Variants in DNAJC5 observed in about 807,000 individuals in gnomAD.
DNAJC5 encodes the protein DnaJ heat shock protein family (Hsp40) member C5.
A neutral mutation model predicts 23.2 loss-of-function variants in DNAJC5; 1 was observed. The observed-to-expected ratio is 0.04, with a 90% confidence interval of 0.02 to 0.20. The LOEUF is 0.20. Among genes scored for constraint, DNAJC5 ranks in the 10% least tolerant of loss-of-function variants. The pLI, the probability that DNAJC5 is intolerant of heterozygous loss-of-function variation, is 1.00. For missense variants in DNAJC5, 180 were observed against 267.0 expected, an observed-to-expected ratio of 0.67 and a Z score of 2.27; for synonymous variants, 136 against 120.0, an observed-to-expected ratio of 1.13 and a Z score of -0.87.
Position 63,934,169 on chromosome 20 carries a change from C to T in DNAJC5, c.*2601C>T, listed in dbSNP as rs112103063. 0.059 allele frequency: 9,036 copies of T among 152,252 alleles called. 449 individuals are homozygous for T. Among genetic ancestry groups the T allele is most frequent in the Non-Finnish European group, 0.079 (5,367 of 68,028 alleles). 9.4% of individuals were successfully genotyped at this position (152,252 alleles called of 1,614,324 possible). ...GCGCTCTGCCCTGTTGGCTTTAAGGCTTTGTCTTAATTTAAGGAAAAAGAT... is the reference window on the plus strand; with the variant it reads ...GCGCTCTGCCCTGTTGGCTTTAAGGTTTTGTCTTAATTTAAGGAAAAAGAT... On this transcript the variant is annotated 3_prime_UTR_variant, in exon 5 of 5. Coordinates refer to ENST00000360864, the MANE Select transcript of DNAJC5 (RefSeq NM_025219.3).
intron 1 of DNAJC5, among the ~76,000 whole-genome samples, chr20:63,918,153 C>T (rs2053529151): frequency 6.6e-6 from 1 of 152,160 alleles, no homozygotes; most frequent in African/African-American, 2.4e-5. Context: ...TAGAATGTGA[C>T]CACACTGGAG....
In DNAJC5 at chr20:63,934,800, A is replaced by G. The variant is rs1007518850; in HGVS notation, c.*3232A>G. 1.3e-5 allele frequency: 2 copies of G among 152,194 alleles called. No homozygotes were observed. The highest frequency in any genetic ancestry group is 4.8e-5 in the African/African-American group (2 of 41,432). The allele number at this position is 152,194 out of a possible 1,614,324, so 9.4% of individuals were successfully genotyped here. A position where few individuals can be genotyped will look rare whatever the true frequency, so the allele number is the denominator to read the frequency against. Reference sequence around the variant, plus strand: ...CTTCACGTCGGCTGCTGCCATCCAGAAGAGGCCCTGGAGCCTCACGCCGTC... The same window carrying G: ...CTTCACGTCGGCTGCTGCCATCCAGGAGAGGCCCTGGAGCCTCACGCCGTC... On this transcript the variant is annotated 3_prime_UTR_variant, in exon 5 of 5. Coordinates refer to ENST00000360864, the MANE Select transcript of DNAJC5 (RefSeq NM_025219.3).
intron 1 of DNAJC5, among the ~76,000 whole-genome samples, chr20:63,904,476 A>G (rs1281688719): frequency 6.6e-6 from 1 of 152,192 alleles, no homozygotes; most frequent in Non-Finnish European, 1.5e-5. Context: ...CTTTAAGACA[A>G]GGGCACTGTA....
chr20:63,899,122 C>T (rs916688153), intron 1 of DNAJC5, among the ~76,000 whole-genome samples: 5 of 152,154 alleles, frequency 3.3e-5, no homozygotes, highest in Admixed American at 1.3e-4. Flanking sequence ...GCTTCCCCTG[C>T]GTCCTGCTGG....
At chr20:63,926,064 G>A (rs939762894) in intron 1 of DNAJC5, among the ~76,000 whole-genome samples, 10 of 152,226 alleles carry the variant, frequency 6.6e-5, no homozygotes, top group African/African-American at 1.2e-4. Flanking sequence ...TCCTGATCTC[G>A]TGATCTGCCC....
At chr20:63,909,032 T>C (rs2053464798) in intron 1 of DNAJC5, 1 of 152,174 alleles carries the variant, frequency 6.6e-6, no homozygotes, top group African/African-American at 2.4e-5. Context: ...GCACTCCGGA[T>C]GTGCTGAGCC....
chr20:63,925,719 C>T (rs1029332215), intron 1 of DNAJC5, among the ~76,000 whole-genome samples: 5 of 147,926 alleles, frequency 3.4e-5, no homozygotes, highest in Non-Finnish European at 6.0e-5. Flanking sequence ...ATCGCGTCAC[C>T]GCACTCCAGC....
intron 1 of DNAJC5, among the ~76,000 whole-genome samples, chr20:63,901,152 A>G (rs548073001): frequency 1.8e-4 from 27 of 152,272 alleles, no homozygotes; most frequent in African/African-American, 6.3e-4. Context: ...TTTAGTAGAG[A>G]TGGGGTTTCA....
intron 1 of DNAJC5, among the ~76,000 whole-genome samples, chr20:63,927,539 C>A (rs953619789): frequency 6.7e-6 from 1 of 148,830 alleles, no homozygotes; most frequent in African/African-American, 2.5e-5. Context: ...AAACTGTCCC[C>A]CCCCCCAAAA....
chr20:63,923,661 G>A (rs2053589181), intron 1 of DNAJC5, among the ~76,000 whole-genome samples: 1 of 152,076 alleles, frequency 6.6e-6, no homozygotes, highest in African/African-American at 2.4e-5. Flanking sequence ...GGAGGTCAAG[G>A]TTGCAGTGAG....
intron 1 of DNAJC5, among the ~76,000 whole-genome samples, chr20:63,916,003 G>A (rs545596012): frequency 1.3e-5 from 2 of 151,956 alleles, no homozygotes; most frequent in Non-Finnish European, 2.9e-5. Flanking sequence ...GTGCGATCTC[G>A]GCTCACTGCA....
At chr20:63,905,713 G>C (rs2053444535) in intron 1 of DNAJC5, among the ~76,000 whole-genome samples, 1 of 151,676 alleles carries the variant, frequency 6.6e-6, no homozygotes, top group East Asian at 1.9e-4. Flanking sequence ...GGGATTATAG[G>C]GGCGTGCCAC....
Position 63,931,189 on chromosome 20 carries a change from C to G in DNAJC5, c.493+167C>G. ...TGTGAACGTGGACCCTGAGGTAAAGCAGGCGCATAGAGCTGTCCCCGCCGT... is the reference window on the plus strand; with the variant it reads ...TGTGAACGTGGACCCTGAGGTAAAGGAGGCGCATAGAGCTGTCCCCGCCGT... On this transcript the variant is annotated intron_variant, in intron 4 of 4. Coordinates refer to ENST00000360864, the MANE Select transcript of DNAJC5 (RefSeq NM_025219.3). This position sits in a 1 kb window ranked among gnomAD's most constrained non-coding sequence, Gnocchi z 9.6. The G allele has an allele frequency of 1.2e-6, 1 of 845,548 alleles. No individual in the cohort carries two copies. The highest frequency in any genetic ancestry group is 1.9e-6 in the Non-Finnish European group (1 of 517,952). 52.4% of individuals were successfully genotyped at this position (845,548 alleles called of 1,614,324 possible).
At position 63,928,293 on chromosome 20, in the gene DNAJC5, C is replaced by G. The variant is rs994119680; in HGVS notation, c.-11-42C>G. ...CCATCAGCTCTGCCCTTGGTACTTT[C>G]ATCTATACTTTGTGATACTTTCTTT... On this transcript the variant is annotated intron_variant, in intron 1 of 4. Coordinates refer to ENST00000360864, the MANE Select transcript of DNAJC5 (RefSeq NM_025219.3). The surrounding 1 kb of genome is among the most constrained non-coding windows in gnomAD (Gnocchi z 4.6). 6.6e-6 allele frequency: 10 copies of G among 1,521,878 alleles called. No homozygotes were observed. The highest frequency in any genetic ancestry group is 4.5e-5 in the East Asian group (2 of 44,506). 94.3% of individuals were successfully genotyped at this position (1,521,878 alleles called of 1,614,324 possible). A position where few individuals can be genotyped will look rare whatever the true frequency, so the allele number is the denominator to read the frequency against.
intron 1 of DNAJC5, among the ~76,000 whole-genome samples, chr20:63,912,756 T>C (rs1382488300): frequency 6.6e-6 from 1 of 152,168 alleles, no homozygotes; most frequent in Non-Finnish European, 1.5e-5. Flanking sequence ...TACAGGCGCC[T>C]GCCACCACGT....
In DNAJC5 at chr20:63,935,865, G is replaced by C. The variant is rs745853097; in HGVS notation, c.*4297G>C. The C allele has an allele frequency of 1.3e-5, 2 of 152,220 alleles. No homozygotes were observed. Among genetic ancestry groups the C allele is most frequent in the Admixed American group, 1.3e-4 (2 of 15,290 alleles). 9.4% of individuals were successfully genotyped at this position (152,220 alleles called of 1,614,324 possible). ...TTTTGTCACTGGCGTCCTGGAATCCGACCGTGTTGGGGTGCAGGCGCTGTC... is the reference window on the plus strand; with the variant it reads ...TTTTGTCACTGGCGTCCTGGAATCCCACCGTGTTGGGGTGCAGGCGCTGTC... On this transcript the variant is annotated 3_prime_UTR_variant, in exon 5 of 5. Coordinates refer to ENST00000360864, the MANE Select transcript of DNAJC5 (RefSeq NM_025219.3).
chr20:63,895,891 G>C (rs1263252375), intron 1 of DNAJC5, among the ~76,000 whole-genome samples: 1 of 152,208 alleles, frequency 6.6e-6, no homozygotes, highest in Non-Finnish European at 1.5e-5. Flanking sequence ...TTGAAGCCAT[G>C]CTTTATATTG....
chr20:63,930,072 A>G (rs1015559066), intron 3 of DNAJC5, among the ~76,000 whole-genome samples: 2 of 152,228 alleles, frequency 1.3e-5, no homozygotes, highest in Admixed American at 6.5e-5. Flanking sequence ...TTTTGTTCCA[A>G]ATGTCATATA....
intron 1 of DNAJC5, among the ~76,000 whole-genome samples, chr20:63,923,964 C>T (rs948849646): frequency 2.0e-5 from 3 of 151,734 alleles, no homozygotes; most frequent in Non-Finnish European, 4.4e-5. Context: ...GTTTTTTATA[C>T]GTACATAATG....
Sources: allele counts gnomAD v4.1 joint callset (sites outside exome capture counted in the v4.1 genomes callset), GRCh38; gene constraint gnomAD v4.1.1; non-coding constraint Gnocchi (gnomAD v3.1); transcripts MANE v1.5; gene names NCBI Gene and HGNC (gene_info 2026-07-23, HGNC 2026-07-21).